HECTD4: variants seen among roughly 807,000 people sequenced by gnomAD.
HECTD4 encodes probable E3 ubiquitin-protein ligase HECTD4.
Under a neutral mutation model 471.5 loss-of-function variants are expected in HECTD4, and 114 were observed. The ratio of observed to expected loss-of-function variants is 0.24; its 90% CI spans 0.21 to 0.28. The LOEUF (loss-of-function observed/expected upper bound fraction) is 0.28. Among genes scored for constraint, HECTD4 ranks in the 10% least tolerant of loss-of-function variants. The pLI, the probability that HECTD4 is intolerant of heterozygous loss-of-function variation, is 1.00. For synonymous variants in HECTD4, 2,012 were observed against 2,256.0 expected (o/e 0.89, Z 3.07); for missense variants, 3,866 against 5,651.5 (o/e 0.68, Z 10.13).
rs145596614 is a variant in HECTD4 at position 112,228,872 on chromosome 12, G to A, written c.6520-61C>T. ...TCTGACGTGTGGGCAGCTGTCTTAC[G>A]AGACAAGAGGAAAAAGTAAATTTAT... is the stretch of plus-strand genomic sequence containing the variant. On this transcript the variant is annotated intron_variant, in intron 41 of 75. Transcript: ENST00000682272. This position sits in a 1 kb window ranked among gnomAD's most constrained non-coding sequence, Gnocchi z 4.9. 375 of 1,485,704 alleles carry A rather than the reference G, an allele frequency of 2.5e-4. 1 individual carries two copies. The African/African-American group carries it at 2.9e-3, about 11-fold the overall frequency. The allele number at this position is 1,485,704 out of a possible 1,614,324, so 92.0% of individuals were successfully genotyped here. A position where few individuals can be genotyped will look rare whatever the true frequency, so the allele number is the denominator to read the frequency against.
chr12:112,167,417 G>A lies in HECTD4; in HGVS notation c.12434C>T (p.Pro4145Leu). ...GCCCACCAGCGTCTTCCAGAAGGAG[G>A]GCAGGAGGTCCAGGGGCAGCGGGAC... is the stretch of plus-strand genomic sequence containing the variant. ...ADVPLPLDLL[P>L]SFWKTLVGEP... The change falls in exon 72 of 76, where the codon CCC becomes CTC. Residue 4145 changes from proline (P) to leucine (L), a missense_variant. This residue lies in a region of HECTD4 where 715 missense variants were observed against 1,087.6 expected (regional missense o/e 0.66). Coordinates refer to ENST00000682272, the MANE Select transcript of HECTD4 (RefSeq NM_001388303.1). The A allele has an allele frequency of 1.9e-6, 3 of 1,613,864 alleles. No homozygotes were observed. Among genetic ancestry groups the A allele is most frequent in the Non-Finnish European group, 1.7e-6 (2 of 1,179,870 alleles).
chr12:112,194,603 G>A lies in HECTD4; in HGVS notation c.8749+282C>T, dbSNP rs1380199548. ...AGAATGTCTGTGGCAACAATACAGT[G>A]ACTTGGTTTCATAAGTAATACTTAA... On this transcript the variant is annotated intron_variant, in intron 56 of 75. Coordinates refer to ENST00000682272, the MANE Select transcript of HECTD4 (RefSeq NM_001388303.1). The surrounding 1 kb of genome is among the most constrained non-coding windows in gnomAD (Gnocchi z 4.6). Among the ~76,000 whole-genome samples the A allele has an allele frequency of 5.3e-5, 8 of 152,362 alleles. No homozygotes were observed. In the East Asian group the frequency reaches 1.5e-3, roughly 29 times the overall value.
In HECTD4 at chr12:112,382,224, C is replaced by G. The variant is rs1327527678; in HGVS notation, c.-96G>C. 1 of 1,073,074 alleles carries G rather than the reference C, an allele frequency of 9.3e-7. No homozygotes were observed. Among genetic ancestry groups the G allele is most frequent in the African/African-American group, 1.7e-5 (1 of 60,268 alleles). 66.5% of individuals were successfully genotyped at this position (1,073,074 alleles called of 1,614,324 possible). Reference sequence around the variant, plus strand: ...ATCACCAGTCCATGGCAGCGGCCGCCGCGCCCGCCAGCGGCGCCCCACTTG... The same window carrying G: ...ATCACCAGTCCATGGCAGCGGCCGCGGCGCCCGCCAGCGGCGCCCCACTTG... On this transcript the variant is annotated 5_prime_UTR_variant, in exon 1 of 76. Coordinates refer to ENST00000682272, the MANE Select transcript of HECTD4 (RefSeq NM_001388303.1).
At position 112,162,926 on chromosome 12, in the gene HECTD4, G is replaced by T; in HGVS notation, c.13120+116C>A. 1 of 840,794 alleles carries T rather than the reference G, an allele frequency of 1.2e-6. No homozygotes were observed. The highest frequency in any genetic ancestry group is 1.9e-6 in the Non-Finnish European group (1 of 525,386). The allele number at this position is 840,794 out of a possible 1,614,324, so 52.1% of individuals were successfully genotyped here. A position where few individuals can be genotyped will look rare whatever the true frequency, so the allele number is the denominator to read the frequency against. On this transcript the variant is annotated intron_variant, in intron 75 of 75. Coordinates refer to ENST00000682272, the MANE Select transcript of HECTD4 (RefSeq NM_001388303.1). The surrounding 1 kb of genome is among the most constrained non-coding windows in gnomAD (Gnocchi z 5.2). ...TAATCCTCAATGATGTCTGAGTTTT[G>T]GCACGTGGGGCTCCTGTTCATTGTT...
At chr12:112,175,979 C>A in intron 65 of HECTD4, 120 bp from the exon 66 acceptor site, 1 of 1,269,244 alleles carries the variant, frequency 7.9e-7, no homozygotes, top group Non-Finnish European at 1.1e-6. Context: ...ATTCCCCTCT[C>A]CCTCCCGTAA....
At chr12:112,376,642 C>G (rs2036786842) in intron 1 of HECTD4, among the ~76,000 whole-genome samples, 1 of 152,196 alleles carries the variant, frequency 6.6e-6, no homozygotes, top group Non-Finnish European at 1.5e-5. Context: ...CTCTCCTCTC[C>G]CCTTTAGCTT....
chr12:112,186,961 C>A (rs1436431318), intron 60 of HECTD4, among the ~76,000 whole-genome samples: 2 of 151,686 alleles, frequency 1.3e-5, no homozygotes, highest in African/African-American at 4.8e-5. Context: ...AGCCACTGTA[C>A]CTGGCCAAGG....
chr12:112,352,415 A>C (rs890137043), intron 1 of HECTD4, among the ~76,000 whole-genome samples: 2 of 149,908 alleles, frequency 1.3e-5, no homozygotes, highest in Admixed American at 1.3e-4. Flanking sequence ...GGCTCATTGC[A>C]ACCTCCGCCT....
intron 1 of HECTD4, among the ~76,000 whole-genome samples, chr12:112,372,384 C>T (rs1439702388): frequency 6.6e-6 from 1 of 152,006 alleles, no homozygotes; most frequent in African/African-American, 2.4e-5. Flanking sequence ...CTCAGCCTCC[C>T]GAGTAGCTGG....
In HECTD4 at chr12:112,265,871, G is replaced by A. The variant is rs754355153; in HGVS notation, c.2498+7C>T. ...AGGCTAGAAGTGAATAATATAACTG[G>A]TGTCACCTGTAATGATCATCCTCAT... On this transcript the variant is annotated splice_region_variant and intron_variant, in intron 15 of 75. Coordinates refer to ENST00000682272, the MANE Select transcript of HECTD4 (RefSeq NM_001388303.1). 7 of 1,599,212 alleles carry A rather than the reference G, an allele frequency of 4.4e-6. No homozygotes were observed. The highest frequency in any genetic ancestry group is 6.0e-6 in the Non-Finnish European group (7 of 1,166,806).
chr12:112,371,923 C>T (rs1428079973), intron 1 of HECTD4, among the ~76,000 whole-genome samples: 6 of 149,902 alleles, frequency 4.0e-5, no homozygotes, highest in Admixed American at 2.0e-4. Flanking sequence ...AAGAAAATTC[C>T]GCAGGGATCA....
chr12:112,359,048 T>C (rs2036400533), intron 1 of HECTD4, among the ~76,000 whole-genome samples: 1 of 152,018 alleles, frequency 6.6e-6, no homozygotes, highest in Non-Finnish European at 1.5e-5. Flanking sequence ...TGGTGGCGGA[T>C]GCCTGTAGTC....
Position 112,162,761 on chromosome 12 carries a change from A to C in HECTD4, c.13121-238T>G. On this transcript the variant is annotated intron_variant, in intron 75 of 75. Coordinates refer to ENST00000682272, the MANE Select transcript of HECTD4 (RefSeq NM_001388303.1). The surrounding 1 kb of genome is among the most constrained non-coding windows in gnomAD (Gnocchi z 5.2). ...GCTGATGGGTTTGTCTGCCCAGCAA[A>C]TTGTTTCTTTTTTTTTTTTTTTAAC... 1.8e-6 allele frequency: 1 copy of C among 552,092 alleles called. No homozygotes were observed. Among genetic ancestry groups the C allele is most frequent in the Non-Finnish European group, 3.2e-6 (1 of 317,170 alleles). 34.2% of individuals were successfully genotyped at this position (552,092 alleles called of 1,614,324 possible).
chr12:112,364,324 TTGAACC>T (rs1235849703), intron 1 of HECTD4, among the ~76,000 whole-genome samples: 1 of 151,424 alleles, frequency 6.6e-6, no homozygotes, highest in Non-Finnish European at 1.5e-5. Flanking sequence ...GGAGAATCAC[TTGAACC>T]TGGGAGGCGG....
intron 1 of HECTD4, among the ~76,000 whole-genome samples, chr12:112,374,535 C>T (rs1033431991): frequency 6.6e-6 from 1 of 152,168 alleles, no homozygotes; most frequent in African/African-American, 2.4e-5. Flanking sequence ...TGCCCAAGCT[C>T]ACAGAATACT....
In HECTD4 at chr12:112,229,699, T is replaced by C. The variant is rs1316368488; in HGVS notation, c.6518A>G (p.Gln2173Arg). The change falls in exon 41 of 76, where the codon CAG (glutamine) becomes CGG (arginine). Residue 2173 changes from glutamine to arginine, a missense_variant and splice_region_variant. By Grantham distance (43) the Gln-to-Arg change is conservative. Around this residue, in one of 16 missense-constraint regions of HECTD4, gnomAD observed 617 missense variants for 915.1 expected, o/e 0.67. Coordinates refer to ENST00000682272, the MANE Select transcript of HECTD4 (RefSeq NM_001388303.1). The stretch of plus-strand genomic sequence containing the variant: ...TTTGGGGAACATGGTGGTTGGTACC[T>C]GAACCTCGGATCCTATCTTGATTGT... ...KETIKIGSEV[Q>R]VLGRGISGSI... 6.2e-7 allele frequency: 1 copy of C among 1,610,184 alleles called. No individual in the cohort carries two copies. The highest frequency in any genetic ancestry group is 8.5e-7 in the Non-Finnish European group (1 of 1,177,346).
In HECTD4 at chr12:112,217,053, G is replaced by C. The variant is rs780437059; in HGVS notation, c.7217C>G (p.Thr2406Ser). The C allele has an allele frequency of 5.1e-6, 8 of 1,582,784 alleles. No individual in the cohort carries two copies. In the South Asian group the frequency reaches 6.9e-5, roughly 14 times the overall value. The change falls in exon 46 of 76, where the codon ACT (threonine) becomes AGT (serine). Residue 2406 changes from threonine to serine, a missense_variant. Physicochemically the swap from Thr to Ser is moderately conservative, Grantham distance 58. Around this residue, in one of 16 missense-constraint regions of HECTD4, gnomAD observed 617 missense variants for 915.1 expected, o/e 0.67. Coordinates refer to ENST00000682272, the MANE Select transcript of HECTD4 (RefSeq NM_001388303.1). Reference sequence around the variant, plus strand: ...TCTCACCTGAACTGGCAGTGGTGAAGTGGCATAGATAAAAGTGCCCCGGGG... The same window carrying C: ...TCTCACCTGAACTGGCAGTGGTGAACTGGCATAGATAAAAGTGCCCCGGGG... ...GLPRGTFIYA[T>S]SPLPVQAPSF...
At chr12:112,175,714 A>G (rs749405591) in intron 66 of HECTD4, 22 bp downstream of exon 66, 18 of 1,608,420 alleles carry the variant, frequency 1.1e-5, no homozygotes, top group Non-Finnish European at 1.5e-5. Context: ...GTGCCAACTG[A>G]GTCGAGGGGT....
intron 66 of HECTD4, among the ~76,000 whole-genome samples, chr12:112,175,493 C>T (rs1389234742): frequency 1.3e-5 from 2 of 152,210 alleles, no homozygotes; most frequent in Non-Finnish European, 2.9e-5. Context: ...GTGTGGTGTC[C>T]TGTCACGGCA....
Sources: gnomAD v4.1 joint callset for allele counts (sites outside exome capture counted in the v4.1 genomes callset) on GRCh38, gnomAD v4.1.1 for gene constraint, gnomAD v4.1.1 regional missense constraint, Gnocchi (gnomAD v3.1) non-coding constraint, MANE v1.5 for transcripts, NCBI Gene and HGNC (gene_info 2026-07-23, HGNC 2026-07-21) for gene names.